The following KCNQ5 variants were observed in gnomAD, a reference collection of about 807,000 sequenced individuals.
The protein encoded by KCNQ5 is potassium voltage-gated channel subfamily Q member 5.
Under a neutral mutation model 98.2 loss-of-function variants are expected in KCNQ5, and 30 were observed. That is an observed-to-expected ratio of 0.31 (90% confidence interval 0.23 to 0.41). KCNQ5 has a LOEUF of 0.41. KCNQ5 is among the 10% of genes least tolerant of loss of function. The pLI, the probability that KCNQ5 is intolerant of heterozygous loss-of-function variation, is 1.00. For synonymous variants in KCNQ5, 458 were observed against 449.4 expected (o/e 1.02, Z -0.24); for missense variants, 835 against 1,182.5 (o/e 0.71, Z 4.31).
chr6:72,645,911 T>C (rs767743190), intron 1 of KCNQ5, among the ~76,000 whole-genome samples: 19 of 152,168 alleles, frequency 1.2e-4, no homozygotes, highest in Non-Finnish European at 2.2e-4. Context: ...ACTACTTACC[T>C]CCCTGAAAGG....
chr6:72,903,827 GTA>G (rs1334143030), intron 1 of KCNQ5, among the ~76,000 whole-genome samples: 3 of 152,192 alleles, frequency 2.0e-5, no homozygotes, highest in African/African-American at 7.2e-5. Context: ...GGAATGTTCT[GTA>G]TATATCTGTT....
intron 1 of KCNQ5, among the ~76,000 whole-genome samples, chr6:72,928,057 T>C (rs997348516): frequency 7.9e-5 from 12 of 152,206 alleles, no homozygotes; most frequent in African/African-American, 2.9e-4. Context: ...TGTGTACTGC[T>C]TGAGAACTCT....
intron 1 of KCNQ5, among the ~76,000 whole-genome samples, chr6:72,715,335 T>C (rs1398288107): frequency 6.6e-6 from 1 of 152,214 alleles, no homozygotes; most frequent in Admixed American, 6.5e-5. Context: ...GCATTCACAG[T>C]ATAACCAAGC....
chr6:73,056,364 T>C (rs1772492312), intron 3 of KCNQ5, among the ~76,000 whole-genome samples: 1 of 151,726 alleles, frequency 6.6e-6, no homozygotes, highest in Admixed American at 6.6e-5. Context: ...TTGGGATCAA[T>C]CCTGAATTTA....
intron 1 of KCNQ5, among the ~76,000 whole-genome samples, chr6:72,871,356 G>A (rs185944850): frequency 1.3e-5 from 2 of 152,272 alleles, no homozygotes; most frequent in Admixed American, 1.3e-4. Context: ...GGAAACAAAT[G>A]AAGTAGATTG....
At chr6:72,787,785 A>G (rs1773831486) in intron 1 of KCNQ5, among the ~76,000 whole-genome samples, 1 of 152,074 alleles carries the variant, frequency 6.6e-6, no homozygotes, top group Non-Finnish European at 1.5e-5. Context: ...ACATTTCCAA[A>G]CTTAATCAGC....
intron 5 of KCNQ5, among the ~76,000 whole-genome samples, chr6:73,080,866 G>A (rs1337823707): frequency 6.6e-6 from 1 of 152,196 alleles, no homozygotes; most frequent in East Asian, 1.9e-4. Context: ...AAGATAGTGA[G>A]ATCTGTCCCC....
At chr6:72,751,011 T>A (rs996843406) in intron 1 of KCNQ5, among the ~76,000 whole-genome samples, 5 of 151,764 alleles carry the variant, frequency 3.3e-5, no homozygotes, top group Admixed American at 2.0e-4. Flanking sequence ...GGTACTGGGA[T>A]GAAAAAAAAA....
intron 1 of KCNQ5, among the ~76,000 whole-genome samples, chr6:72,949,610 AT>A (rs1385043899): frequency 6.6e-6 from 1 of 152,186 alleles, no homozygotes; most frequent in Admixed American, 6.5e-5. Flanking sequence ...TATTACATGC[AT>A]TTTTACATGT....
At chr6:72,719,655 G>T (rs989786410) in intron 1 of KCNQ5, among the ~76,000 whole-genome samples, 9 of 152,136 alleles carry the variant, frequency 5.9e-5, no homozygotes, top group African/African-American at 2.2e-4. Flanking sequence ...ACCTATTCTT[G>T]GCAGTGGTGG....
At chr6:73,188,797 A>T (rs527674387) in intron 11 of KCNQ5, among the ~76,000 whole-genome samples, 1 of 152,248 alleles carries the variant, frequency 6.6e-6, no homozygotes, top group South Asian at 2.1e-4. Flanking sequence ...AGCCTGGCCA[A>T]TATGGTGAAA....
intron 1 of KCNQ5, among the ~76,000 whole-genome samples, chr6:72,644,813 T>C (rs1376241106): frequency 2.0e-5 from 3 of 152,140 alleles, no homozygotes; most frequent in Non-Finnish European, 4.4e-5. Context: ...ATCATCGTCA[T>C]TCTCTCAGCA....
intron 1 of KCNQ5, among the ~76,000 whole-genome samples, chr6:72,718,844 C>G (rs1356507665): frequency 2.0e-5 from 3 of 152,080 alleles, no homozygotes; most frequent in Non-Finnish European, 4.4e-5. Context: ...TCCTCAGCTT[C>G]CATTATAGGT....
Position 73,111,250 on chromosome 6 carries a change from T to C in KCNQ5, c.1030-58T>C. 2.6e-6 allele frequency: 3 copies of C among 1,149,352 alleles called. No homozygotes were observed. In the South Asian group the frequency reaches 3.8e-5, roughly 15 times the overall value. 71.2% of individuals were successfully genotyped at this position (1,149,352 alleles called of 1,614,324 possible). A position where few individuals can be genotyped will look rare whatever the true frequency, so the allele number is the denominator to read the frequency against. On this transcript the variant is annotated intron_variant, in intron 6 of 13. Coordinates refer to ENST00000370398, the MANE Select transcript of KCNQ5 (RefSeq NM_019842.4). ...CTCATTTTAGTGACTTTTTAATATT[T>C]GTATTATTTAACAGTGCTTTTGAAA...
intron 10 of KCNQ5, chr6:73,136,297 G>T (rs1776468105): frequency 6.6e-6 from 1 of 152,154 alleles, no homozygotes; most frequent in Non-Finnish European, 1.5e-5. Flanking sequence ...ATAGAATCTG[G>T]ATTTTTAATT....
intron 1 of KCNQ5, among the ~76,000 whole-genome samples, chr6:72,648,948 A>G (rs1034828378): frequency 1.3e-5 from 2 of 152,162 alleles, no homozygotes; most frequent in Non-Finnish European, 2.9e-5. Flanking sequence ...GATACGGGTC[A>G]GGACCCAGTT....
intron 1 of KCNQ5, among the ~76,000 whole-genome samples, chr6:72,975,283 T>C (rs1768109707): frequency 6.6e-6 from 1 of 151,998 alleles, no homozygotes; most frequent in African/African-American, 2.4e-5. Context: ...CTTATATACA[T>C]AGCAGCAGCA....
intron 1 of KCNQ5, among the ~76,000 whole-genome samples, chr6:72,643,484 G>A (rs1416186095): frequency 6.6e-6 from 1 of 152,118 alleles, no homozygotes; most frequent in African/African-American, 2.4e-5. Flanking sequence ...AGTACAGATT[G>A]AGTATCCTTA....
intron 1 of KCNQ5, among the ~76,000 whole-genome samples, chr6:72,638,612 C>CA (rs2098925493): frequency 6.6e-6 from 1 of 150,978 alleles, no homozygotes; most frequent in Admixed American, 6.6e-5. Context: ...TTTTTTTCTC[C>CA]AAAACAGGTT....
Sources: allele counts gnomAD v4.1 joint callset (sites outside exome capture counted in the v4.1 genomes callset), GRCh38; gene constraint gnomAD v4.1.1; transcripts MANE v1.5; gene names NCBI Gene and HGNC (gene_info 2026-07-23, HGNC 2026-07-21).